The following LRRC4C variants were observed in gnomAD, a reference collection of about 807,000 sequenced individuals.
The protein encoded by LRRC4C is leucine-rich repeat-containing protein 4C.
LRRC4C carries 5 observed loss-of-function variants against 33.6 expected under a neutral mutation model. The ratio of observed to expected loss-of-function variants is 0.15; its 90% CI spans 0.08 to 0.31. LRRC4C has a LOEUF of 0.31. LRRC4C is among the 10% of genes least tolerant of loss of function. LRRC4C has a pLI of 1.00. For missense variants in LRRC4C, 560 were observed against 796.7 expected, an observed-to-expected ratio of 0.70 and a Z score of 3.58; for synonymous variants, 329 against 302.0, an observed-to-expected ratio of 1.09 and a Z score of -0.93.
At chr11:40,336,543 T>A (rs1946611760) in intron 3 of LRRC4C, among the ~76,000 whole-genome samples, 1 of 152,184 alleles carries the variant, frequency 6.6e-6, no homozygotes, top group South Asian at 2.1e-4. Context: ...CTGGGAAAAC[T>A]ATCCTCTACT....
chr11:40,257,056 G>GC, intron 4 of LRRC4C, among the ~76,000 whole-genome samples: 1 of 152,060 alleles, frequency 6.6e-6, no homozygotes. Context: ...AAAGGACATT[G>GC]TTTTTTGGCT....
At chr11:40,652,033 G>A (rs911173004) in intron 2 of LRRC4C, among the ~76,000 whole-genome samples, 2 of 152,058 alleles carry the variant, frequency 1.3e-5, no homozygotes, top group African/African-American at 4.8e-5. Context: ...AAACTCAATT[G>A]GGGATAGATA....
chr11:40,547,476 G>A (rs984075192), intron 3 of LRRC4C, among the ~76,000 whole-genome samples: 1 of 151,970 alleles, frequency 6.6e-6, no homozygotes, highest in East Asian at 1.9e-4. Context: ...TATCAGAGCT[G>A]GGAAATGACC....
intron 2 of LRRC4C, among the ~76,000 whole-genome samples, chr11:40,825,247 G>T (rs555912992): frequency 6.6e-6 from 1 of 152,090 alleles, no homozygotes; most frequent in Non-Finnish European, 1.5e-5. Context: ...ACCTAAGTGT[G>T]TATAAAACGA....
intron 2 of LRRC4C, among the ~76,000 whole-genome samples, chr11:40,733,811 C>G (rs962085550): frequency 6.6e-6 from 1 of 152,098 alleles, no homozygotes; most frequent in Admixed American, 6.6e-5. Context: ...TCATTGTGAC[C>G]CTAAGACCCG....
intron 5 of LRRC4C, among the ~76,000 whole-genome samples, chr11:40,196,191 G>A (rs574477674): frequency 1.3e-5 from 2 of 152,268 alleles, no homozygotes; most frequent in South Asian, 4.1e-4. Context: ...AATAGAGAAG[G>A]CTTAGGAATT....
At chr11:41,045,109 G>A (rs2138039847) in intron 1 of LRRC4C, among the ~76,000 whole-genome samples, 1 of 151,972 alleles carries the variant, frequency 6.6e-6, no homozygotes, top group Non-Finnish European at 1.5e-5. Flanking sequence ...CTGTTTACTG[G>A]CCAGGAATAT....
At chr11:40,154,654 C>T (rs538210585) in intron 5 of LRRC4C, among the ~76,000 whole-genome samples, 1 of 152,196 alleles carries the variant, frequency 6.6e-6, no homozygotes, top group African/African-American at 2.4e-5. Flanking sequence ...AGGAAAATAT[C>T]ACAATCCTAA....
chr11:40,158,089 AG>A (rs1858854049), intron 5 of LRRC4C, among the ~76,000 whole-genome samples: 1 of 152,200 alleles, frequency 6.6e-6, no homozygotes, highest in Non-Finnish European at 1.5e-5. Flanking sequence ...AGCCATAAAA[AG>A]GAATGAATTA....
At chr11:40,604,649 TA>T (rs1386505784) in intron 3 of LRRC4C, among the ~76,000 whole-genome samples, 16 of 152,178 alleles carry the variant, frequency 1.1e-4, no homozygotes, top group African/African-American at 3.9e-4. Context: ...TGATCAAAAT[TA>T]AAGTATGTTT....
intron 1 of LRRC4C, among the ~76,000 whole-genome samples, chr11:41,393,460 AG>A (rs1953682785): frequency 6.6e-6 from 1 of 151,852 alleles, no homozygotes; most frequent in Non-Finnish European, 1.5e-5. Flanking sequence ...CAGTGAAGAA[AG>A]AAGTAAGTGA....
chr11:40,438,757 T>C (rs1951252643), intron 3 of LRRC4C, among the ~76,000 whole-genome samples: 1 of 152,218 alleles, frequency 6.6e-6, no homozygotes, highest in Non-Finnish European at 1.5e-5. Context: ...TCATAATTTA[T>C]CAAATTAAAA....
Position 40,337,711 on chromosome 11 carries a change from G to A in LRRC4C, c.-269-17990C>T, listed in dbSNP as rs564533509. On this transcript the variant is annotated intron_variant, in intron 3 of 6. Transcript: ENST00000528697. Reference sequence around the variant, plus strand: ...ATTTATTTTAAATTCAAGGCCACACGTGCATGTGTGTTACATAGGTAAACT... The same window carrying A: ...ATTTATTTTAAATTCAAGGCCACACATGCATGTGTGTTACATAGGTAAACT... Among the ~76,000 whole-genome samples, 15 of 152,210 alleles carry A rather than the reference G, an allele frequency of 9.9e-5. No individual in the cohort carries two copies. In the South Asian group the frequency reaches 1.0e-3, roughly 11 times the overall value.
At chr11:41,026,673 C>T (rs537839686) in intron 1 of LRRC4C, among the ~76,000 whole-genome samples, 1 of 151,010 alleles carries the variant, frequency 6.6e-6, no homozygotes, top group South Asian at 2.1e-4. Context: ...GCCACAGATA[C>T]CCCAACCTTC....
At chr11:41,362,477 A>G (rs918556139) in intron 1 of LRRC4C, among the ~76,000 whole-genome samples, 18 of 152,156 alleles carry the variant, frequency 1.2e-4, no homozygotes, top group African/African-American at 4.1e-4. Context: ...GATGATACCT[A>G]ACAAAGACCC....
chr11:41,124,617 A>T lies in LRRC4C; in HGVS notation c.-495-190894T>A, dbSNP rs145468494. On this transcript the variant is annotated intron_variant, in intron 1 of 6. Coordinates refer to ENST00000528697, the MANE Select transcript of LRRC4C (RefSeq NM_001258419.2). Reference sequence around the variant, plus strand: ...TAAAAACTTAATTTTCTATCTATAAACATAGACAGTCATTAACATGAATGC... The same window carrying T: ...TAAAAACTTAATTTTCTATCTATAATCATAGACAGTCATTAACATGAATGC... Among the ~76,000 whole-genome samples the T allele has an allele frequency of 4.0e-3, 606 of 152,324 alleles. 3 individuals carry two copies. Among genetic ancestry groups the T allele is most frequent in the Non-Finnish European group, 6.4e-3 (438 of 68,024 alleles).
intron 2 of LRRC4C, among the ~76,000 whole-genome samples, chr11:40,705,699 T>C (rs11036030): frequency 0.2 from 29,888 of 151,976 alleles, 3,304 homozygotes; most frequent in African/African-American, 0.29. Context: ...TAGCATGATT[T>C]ATAATCCTTT....
At chr11:40,362,492 G>T (rs776418126) in intron 3 of LRRC4C, among the ~76,000 whole-genome samples, 2 of 152,192 alleles carry the variant, frequency 1.3e-5, no homozygotes, top group Non-Finnish European at 2.9e-5. Flanking sequence ...GGCCAAGGCA[G>T]GTGGAACACC....
chr11:40,116,791 G>A (rs1045016275), intron 6 of LRRC4C, among the ~76,000 whole-genome samples: 5 of 152,152 alleles, frequency 3.3e-5, no homozygotes, highest in Admixed American at 2.0e-4. Context: ...AAGCACCATG[G>A]GCTATACACT....
Sources: gnomAD v4.1 joint callset for allele counts (sites outside exome capture counted in the v4.1 genomes callset) on GRCh38, gnomAD v4.1.1 for gene constraint, MANE v1.5 for transcripts, NCBI Gene and HGNC (gene_info 2026-07-23, HGNC 2026-07-21) for gene names.